ADARB1: variants seen among roughly 807,000 people sequenced by gnomAD.
The protein encoded by ADARB1 is double-stranded RNA-specific editase 1.
A neutral mutation model predicts 52.4 loss-of-function variants in ADARB1; 10 were observed. The ratio of observed to expected loss-of-function variants is 0.19; its 90% CI spans 0.12 to 0.32. The LOEUF is 0.32. ADARB1 is among the 10% of genes least tolerant of loss of function. ADARB1 has a pLI of 1.00. For missense variants in ADARB1, 643 were observed against 922.3 expected (o/e 0.70, Z 3.92); for synonymous variants, 349 against 371.1 (o/e 0.94, Z 0.68).
intron 8 of ADARB1, among the ~76,000 whole-genome samples, chr21:45,191,511 C>G (rs867349448): frequency 3.3e-5 from 5 of 152,054 alleles, no homozygotes; most frequent in South Asian, 4.1e-4. Context: ...GTTACTTTAT[C>G]AAATGTTTTA....
In ADARB1 at chr21:45,223,700, A is replaced by G. The variant is rs1157699797; in HGVS notation, c.*1503A>G. On this transcript the variant is annotated 3_prime_UTR_variant, in exon 11 of 11. Coordinates refer to ENST00000348831, the MANE Select transcript of ADARB1 (RefSeq NM_001112.4). ...CGTGATGAGCCTAGGAAACCAGAGC[A>G]GGGGCAGAGGGGCGTCATCCTCCCA... The G allele has an allele frequency of 2.0e-6, 2 of 985,496 alleles. No homozygotes were observed. Among genetic ancestry groups the G allele is most frequent in the Non-Finnish European group, 2.4e-6 (2 of 830,010 alleles). 61.0% of individuals were successfully genotyped at this position (985,496 alleles called of 1,614,324 possible).
intron 8 of ADARB1, among the ~76,000 whole-genome samples, chr21:45,185,970 T>G (rs1038158827): frequency 6.6e-6 from 1 of 152,214 alleles, no homozygotes; most frequent in African/African-American, 2.4e-5. Context: ...TCAGGCAACC[T>G]CAAGTACAGG....
At chr21:45,164,628 G>C (rs1388063783) in intron 2 of ADARB1, among the ~76,000 whole-genome samples, 1 of 152,158 alleles carries the variant, frequency 6.6e-6, no homozygotes, top group Non-Finnish European at 1.5e-5. Context: ...ATGGCAGGGA[G>C]GGAACAGGGA....
At chr21:45,089,835 G>T (rs2086492258) in intron 1 of ADARB1, among the ~76,000 whole-genome samples, 1 of 152,168 alleles carries the variant, frequency 6.6e-6, no homozygotes, top group Non-Finnish European at 1.5e-5. Context: ...TCCACAGCTT[G>T]TCATTTGTGT....
At chr21:45,109,556 C>T (rs1388046248) in intron 1 of ADARB1, among the ~76,000 whole-genome samples, 1 of 152,232 alleles carries the variant, frequency 6.6e-6, no homozygotes, top group African/African-American at 2.4e-5. Context: ...CTGATGTCAG[C>T]GCACGGGGCT....
chr21:45,098,967 C>T (rs543654882), intron 1 of ADARB1, among the ~76,000 whole-genome samples: 1 of 152,164 alleles, frequency 6.6e-6, no homozygotes, highest in African/African-American at 2.4e-5. Context: ...CAGACAGAGT[C>T]CTTCTTCCCT....
chr21:45,181,290 C>A (rs2091923674), intron 5 of ADARB1, among the ~76,000 whole-genome samples: 2 of 152,226 alleles, frequency 1.3e-5, no homozygotes, highest in Non-Finnish European at 2.9e-5. Context: ...ACTCTGCAGC[C>A]CTCTTCACTG....
rs1297011656 is a variant in ADARB1, at chr21:45,221,341, C to T, written c.1926+327C>T. Among the ~76,000 whole-genome samples, 1 of 152,192 alleles carries T rather than the reference C, an allele frequency of 6.6e-6. No individual in the cohort carries two copies. Among genetic ancestry groups the T allele is most frequent in the African/African-American group, 2.4e-5 (1 of 41,440 alleles). On this transcript the variant is annotated intron_variant, in intron 10 of 10. Coordinates refer to ENST00000348831, the MANE Select transcript of ADARB1 (RefSeq NM_001112.4). This position sits in a 1 kb window ranked among gnomAD's most constrained non-coding sequence, Gnocchi z 4.9. Reference sequence around the variant, plus strand: ...ACGCAGGGCCAGTCACCCTGCTGTCCCCTCCTTCTCAGCAACATAAAAATT... The same window carrying T: ...ACGCAGGGCCAGTCACCCTGCTGTCTCCTCCTTCTCAGCAACATAAAAATT...
chr21:45,219,396 C>T (rs899592320), intron 9 of ADARB1, among the ~76,000 whole-genome samples: 10 of 152,096 alleles, frequency 6.6e-5, no homozygotes, highest in Admixed American at 3.3e-4. Context: ...TGGTGGCACG[C>T]GCCTGTAGTC....
In ADARB1 at chr21:45,186,797, CTTTCCCCT is replaced by C. The variant is rs201031826; in HGVS notation, c.1565+1709_1565+1716del. On this transcript the variant is annotated intron_variant, in intron 8 of 10. Transcript: ENST00000348831. ...GAAGATGCAGTGTCTTTTGCAAGTC[CTTTCCCCT>C]TTGAGTAGTCTTGCACTCTGTTGAA... Among the ~76,000 whole-genome samples, 566 of 152,246 alleles carry C rather than the reference CTTTCCCCT, an allele frequency of 3.7e-3. 14 individuals carry two copies. Among genetic ancestry groups the C allele is most frequent in the Admixed American group, 0.031 (477 of 15,298 alleles).
intron 1 of ADARB1, among the ~76,000 whole-genome samples, chr21:45,113,083 T>A (rs2838786): frequency 1.3e-5 from 2 of 152,120 alleles, no homozygotes; most frequent in Non-Finnish European, 2.9e-5. Flanking sequence ...TTGCACGCCT[T>A]TCCTAGGGAT....
intron 4 of ADARB1, among the ~76,000 whole-genome samples, chr21:45,179,968 C>T (rs932575333): frequency 2.0e-5 from 3 of 152,084 alleles, no homozygotes; most frequent in Non-Finnish European, 2.9e-5. Context: ...TGGGCGTAGG[C>T]GTGGGCAGGT....
intron 1 of ADARB1, among the ~76,000 whole-genome samples, chr21:45,090,076 T>C (rs2086502836): frequency 6.6e-6 from 1 of 152,196 alleles, no homozygotes. Flanking sequence ...ACCCTTTATC[T>C]TGTCTAGCAT....
At chr21:45,135,042 A>G (rs2089284864) in intron 2 of ADARB1, among the ~76,000 whole-genome samples, 1 of 152,202 alleles carries the variant, frequency 6.6e-6, no homozygotes, top group Non-Finnish European at 1.5e-5. Flanking sequence ...TTAAGGAGTT[A>G]TAAAACAAAC....
rs73233871 is a variant in ADARB1, at chr21:45,223,528, C to T, written c.*1331C>T. The T allele has an allele frequency of 0.078, 77,162 of 985,604 alleles. 3,056 individuals carry two copies. Among genetic ancestry groups the T allele is most frequent in the Middle Eastern group, 0.095 (182 of 1,916 alleles). The allele number at this position is 985,604 out of a possible 1,614,324, so 61.1% of individuals were successfully genotyped here. A position where few individuals can be genotyped will look rare whatever the true frequency, so the allele number is the denominator to read the frequency against. On this transcript the variant is annotated 3_prime_UTR_variant, in exon 11 of 11. Transcript: ENST00000348831. ...GATGAAAGAGGAGCTGAGAGAAGTG[C>T]TCTGCCTGCCAGTGCAGTGCCCAGC...
chr21:45,136,862 AAAT>A (rs747685600), intron 2 of ADARB1, among the ~76,000 whole-genome samples: 8 of 152,274 alleles, frequency 5.3e-5, no homozygotes, highest in Non-Finnish European at 8.8e-5. Context: ...TCTACTTAAA[AAAT>A]AATCTGAGTA....
chr21:45,185,164 T>C, intron 8 of ADARB1, 73 bp downstream of exon 8: 9 of 1,532,800 alleles, frequency 5.9e-6, no homozygotes, highest in Non-Finnish European at 7.1e-6. Flanking sequence ...CAACCTCCCT[T>C]TTCCACAACC....
chr21:45,125,152 T>C (rs890820451), intron 1 of ADARB1, among the ~76,000 whole-genome samples: 1 of 152,256 alleles, frequency 6.6e-6, no homozygotes, highest in Non-Finnish European at 1.5e-5. Context: ...TACAAGCTTT[T>C]TGGAATAAAG....
chr21:45,215,146 C>T (rs1440751775), intron 9 of ADARB1, among the ~76,000 whole-genome samples: 2 of 152,156 alleles, frequency 1.3e-5, no homozygotes, highest in African/African-American at 2.4e-5. Context: ...CTCCTGGGCC[C>T]AAGTGATCCT....
Sources: allele counts gnomAD v4.1 joint callset (sites outside exome capture counted in the v4.1 genomes callset), GRCh38; gene constraint gnomAD v4.1.1; non-coding constraint Gnocchi (gnomAD v3.1); transcripts MANE v1.5; gene names NCBI Gene and HGNC (gene_info 2026-07-23, HGNC 2026-07-21).